Variants in NSUN7 observed in about 807,000 individuals in gnomAD.
NSUN7 encodes NOP2/Sun RNA methyltransferase family member 7, also known as protein NSUN7.
NSUN7 carries 39 observed loss-of-function variants against 58.5 expected under a neutral mutation model. The observed-to-expected ratio is 0.67, with a 90% CI of 0.52 to 0.87. The LOEUF (loss-of-function observed/expected upper bound fraction) is 0.87. Among genes scored for constraint, NSUN7 ranks in the 40% least tolerant of loss-of-function variants. The pLI, the probability that NSUN7 is intolerant of heterozygous loss-of-function variation, is 0.00. For synonymous variants in NSUN7, 278 were observed against 303.7 expected, an observed-to-expected ratio of 0.92 and a Z score of 0.88; for missense variants, 765 against 844.1, an observed-to-expected ratio of 0.91 and a Z score of 1.16.
chr4:40,757,609 CATTGTGTGTATATATATAT>C (rs1331788748), intron 2 of NSUN7, among the ~76,000 whole-genome samples: 27 of 137,292 alleles, frequency 2.0e-4, no homozygotes, highest in Non-Finnish European at 2.3e-4. Flanking sequence ...TATATATATA[CATTGTGTGTATATATATAT>C]ACATTGTGTG....
chr4:40,750,812 C>T lies in NSUN7; in HGVS notation c.119C>T (p.Thr40Met). The T allele has an allele frequency of 1.9e-6, 3 of 1,614,190 alleles. No individual in the cohort carries two copies. Among genetic ancestry groups the T allele is most frequent in the Non-Finnish European group, 2.5e-6 (3 of 1,180,032 alleles). Reference protein sequence around the residue: ...GKSSAGVPEKTGYPDSVYVMA... With the variant: ...GKSSAGVPEKMGYPDSVYVMA... ...AGCTCAGCTGGTGTGCCCGAAAAAA[C>T]GGGCTATCCGGACTCCGTTTATGTC... Residue 40 changes from threonine to methionine, a missense_variant, in exon 2 of 12, where the codon ACG becomes ATG. Physicochemically the swap from Thr to Met is moderately conservative, Grantham distance 81. Coordinates refer to ENST00000381782, the MANE Select transcript of NSUN7 (RefSeq NM_024677.6).
At chr4:40,790,013 T>C (rs567046070) in intron 7 of NSUN7, among the ~76,000 whole-genome samples, 1 of 152,048 alleles carries the variant, frequency 6.6e-6, no homozygotes, top group South Asian at 2.1e-4. Flanking sequence ...TTGTATGGAT[T>C]CTGTACCTTG....
intron 2 of NSUN7, among the ~76,000 whole-genome samples, chr4:40,757,745 CACACAT>C (rs1373265187): frequency 1.6e-4 from 24 of 148,084 alleles, no homozygotes; most frequent in African/African-American, 4.7e-4. Flanking sequence ...CACACACACA[CACACAT>C]ACATACACAA....
chr4:40,800,169 A>C (rs1743520604), intron 10 of NSUN7, among the ~76,000 whole-genome samples: 1 of 152,130 alleles, frequency 6.6e-6, no homozygotes. Context: ...TAAAATCTTT[A>C]CTCACTTGTG....
intron 4 of NSUN7, among the ~76,000 whole-genome samples, chr4:40,772,497 CTTAA>C (rs1345474042): frequency 1.3e-5 from 2 of 152,130 alleles, no homozygotes; most frequent in African/African-American, 4.8e-5. Context: ...TCCCAAAAGG[CTTAA>C]TGTTTGATCA....
chr4:40,782,853 G>A (rs1742642412), intron 7 of NSUN7, among the ~76,000 whole-genome samples: 1 of 152,126 alleles, frequency 6.6e-6, no homozygotes, highest in Non-Finnish European at 1.5e-5. Context: ...GGGCAACAAA[G>A]TGAGACCCTG....
At position 40,809,069 on chromosome 4, in the gene NSUN7, A is replaced by AT; in HGVS notation, c.*131dup. 1 of 964,540 alleles carries AT rather than the reference A, an allele frequency of 1.0e-6. No individual in the cohort carries two copies. The highest frequency in any genetic ancestry group is 1.5e-6 in the Non-Finnish European group (1 of 678,484). 59.7% of individuals were successfully genotyped at this position (964,540 alleles called of 1,614,324 possible). A position where few individuals can be genotyped will look rare whatever the true frequency, so the allele number is the denominator to read the frequency against. ...GTCACCTAGGGATCTTCTAAGTGTG[A>AT]TATTACTTTCAGAGAATTCAGACAA... On this transcript the variant is annotated 3_prime_UTR_variant, in exon 12 of 12. Coordinates refer to ENST00000381782, the MANE Select transcript of NSUN7 (RefSeq NM_024677.6).
At chr4:40,800,191 T>A (rs1743521854) in intron 10 of NSUN7, among the ~76,000 whole-genome samples, 1 of 152,114 alleles carries the variant, frequency 6.6e-6, no homozygotes, top group Admixed American at 6.5e-5. Flanking sequence ...GGTGAAAACA[T>A]GAGATGTCGT....
intron 8 of NSUN7, among the ~76,000 whole-genome samples, chr4:40,792,878 G>A (rs765102950): frequency 6.6e-5 from 10 of 152,162 alleles, no homozygotes; most frequent in South Asian, 2.1e-4. Context: ...AACGTGGAAC[G>A]TTAGCCAGAA....
intron 9 of NSUN7, among the ~76,000 whole-genome samples, chr4:40,796,389 C>A (rs1743325685): frequency 1.3e-5 from 2 of 151,696 alleles, no homozygotes; most frequent in Non-Finnish European, 2.9e-5. Context: ...GTCTGAAATC[C>A]CAGTGCTTGG....
chr4:40,754,934 C>G (rs895059453), intron 2 of NSUN7, among the ~76,000 whole-genome samples: 6 of 152,128 alleles, frequency 3.9e-5, no homozygotes, highest in Non-Finnish European at 8.8e-5. Context: ...AGATTTAAAG[C>G]GCTCCGTAAA....
At chr4:40,806,246 C>T (rs890088043) in intron 10 of NSUN7, among the ~76,000 whole-genome samples, 4 of 152,194 alleles carry the variant, frequency 2.6e-5, no homozygotes, top group South Asian at 2.1e-4. Flanking sequence ...TTGCCTGCCT[C>T]GGCCTCCCAA....
chr4:40,809,104 A>G lies in NSUN7; in HGVS notation c.*165A>G, dbSNP rs868434673. The G allele has an allele frequency of 1.6e-5, 12 of 739,068 alleles. No homozygotes were observed. The highest frequency in any genetic ancestry group is 3.6e-4 in the Middle Eastern group (1 of 2,800). 45.8% of individuals were successfully genotyped at this position (739,068 alleles called of 1,614,324 possible). A position where few individuals can be genotyped will look rare whatever the true frequency, so the allele number is the denominator to read the frequency against. On this transcript the variant is annotated 3_prime_UTR_variant, in exon 12 of 12. Transcript: ENST00000381782. ...CAGAGAATTCAGACAAGTGAGAAAC[A>G]ATAATGTAGGAGTCAGCAAAGCAGA...
chr4:40,794,227 C>A, intron 8 of NSUN7, 148 bp from the exon 9 acceptor site: 2 of 452,432 alleles, frequency 4.4e-6, no homozygotes, highest in South Asian at 9.2e-5. Context: ...TTTAAGTCAA[C>A]ATTTTAATAT....
In NSUN7 at chr4:40,794,360, CT is replaced by C; in HGVS notation, c.1181-10del. 2 of 1,493,848 alleles carry C rather than the reference CT, an allele frequency of 1.3e-6. No homozygotes were observed. The highest frequency in any genetic ancestry group is 9.3e-7 in the Non-Finnish European group (1 of 1,078,568). The allele number at this position is 1,493,848 out of a possible 1,614,324, so 92.5% of individuals were successfully genotyped here. On this transcript the variant is annotated splice_polypyrimidine_tract_variant and intron_variant, in intron 8 of 11. Transcript: ENST00000381782. ...AATGGTGCTATATTTAAAAGCATTT[CT>C]TTTTAAAATTCAGATACAGAATTCC...
intron 7 of NSUN7, chr4:40,786,007 G>T (rs1247556601): frequency 1.4e-6 from 2 of 1,427,918 alleles, no homozygotes; most frequent in East Asian, 4.7e-5. Flanking sequence ...GTGAAGAAGA[G>T]GGAAGGACAG....
intron 10 of NSUN7, among the ~76,000 whole-genome samples, chr4:40,803,676 T>C (rs1265386413): frequency 6.6e-6 from 1 of 152,224 alleles, no homozygotes; most frequent in East Asian, 1.9e-4. Context: ...AAGTGTACAA[T>C]TCAGTGCCTT....
At chr4:40,782,035 C>A (rs372622721) in intron 7 of NSUN7, among the ~76,000 whole-genome samples, 27 of 152,164 alleles carry the variant, frequency 1.8e-4, no homozygotes, top group East Asian at 1.5e-3. Context: ...ACAAGCAAAC[C>A]TTCTCTGTAT....
At chr4:40,799,604 A>G (rs779281612) in intron 10 of NSUN7, among the ~76,000 whole-genome samples, 39 of 152,206 alleles carry the variant, frequency 2.6e-4, no homozygotes, top group Non-Finnish European at 5.3e-4. Context: ...CACAAGTAAT[A>G]TAAAGACAGA....
Sources: gnomAD v4.1 joint callset for allele counts (sites outside exome capture counted in the v4.1 genomes callset) on GRCh38, gnomAD v4.1.1 for gene constraint, MANE v1.5 for transcripts, NCBI Gene and HGNC (gene_info 2026-07-23, HGNC 2026-07-21) for gene names.